The following NR5A1 variants were observed in gnomAD, a reference collection of about 807,000 sequenced individuals.
NR5A1 encodes nuclear receptor subfamily 5 group A member 1.
A neutral mutation model predicts 42.7 loss-of-function variants in NR5A1; 6 were observed. The ratio of observed to expected loss-of-function variants is 0.14; its 90% CI spans 0.08 to 0.28. NR5A1 has a LOEUF of 0.28. NR5A1 is among the 10% of genes least tolerant of loss of function. NR5A1 has a pLI of 1.00. For synonymous variants in NR5A1, 274 were observed against 277.5 expected, an observed-to-expected ratio of 0.99 and a Z score of 0.12; for missense variants, 442 against 626.4, an observed-to-expected ratio of 0.71 and a Z score of 3.14.
At position 124,481,301 on chromosome 9, in the gene NR5A1, C is replaced by T. The variant is rs1321158136; in HGVS notation, c.*1457G>A. 6.7e-6 allele frequency: 1 copy of T among 148,802 alleles called. No homozygotes were observed. Among genetic ancestry groups the T allele is most frequent in the Non-Finnish European group, 1.5e-5 (1 of 67,652 alleles). 9.2% of individuals were successfully genotyped at this position (148,802 alleles called of 1,614,324 possible). ...TGGGGTGATCCTTAAGGGCACTTCT[C>T]GTTTCAGGGCTGTGGGTCTCCGGCC... On this transcript the variant is annotated 3_prime_UTR_variant, in exon 7 of 7. Coordinates refer to ENST00000373588, the MANE Select transcript of NR5A1 (RefSeq NM_004959.5).
intron 6 of NR5A1, among the ~76,000 whole-genome samples, chr9:124,484,377 C>T (rs1832176885): frequency 6.6e-6 from 1 of 152,292 alleles, no homozygotes; most frequent in South Asian, 2.1e-4. Context: ...CAGGGCAAAG[C>T]CTGGGACTGA....
Position 124,503,051 on chromosome 9 carries a change from CA to C in NR5A1, c.244+27del, listed in dbSNP as rs1832492277. The C allele has an allele frequency of 6.5e-7, 1 of 1,547,642 alleles. No individual in the cohort carries two copies. Among genetic ancestry groups the C allele is most frequent in the African/African-American group, 1.4e-5 (1 of 73,660 alleles). On this transcript the variant is annotated intron_variant, in intron 3 of 6. Transcript: ENST00000373588. This position sits in a 1 kb window ranked among gnomAD's most constrained non-coding sequence, Gnocchi z 9.6. ...CCTACCCCCTCAGGCTGTGGGGGGT[CA>C]GGGGTCGAGGCCCGCGCGGCGCGCA...
Position 124,482,630 on chromosome 9 carries a change from G to T in NR5A1, c.*128C>A. ...CAGAACTCAGGGGCAGCGGCCTCTG[G>T]GACGGGGCTGGGGCTCCTCGGTGGG... On this transcript the variant is annotated 3_prime_UTR_variant, in exon 7 of 7. Coordinates refer to ENST00000373588, the MANE Select transcript of NR5A1 (RefSeq NM_004959.5). The T allele has an allele frequency of 8.9e-7, 1 of 1,122,088 alleles. No individual in the cohort carries two copies. The highest frequency in any genetic ancestry group is 1.3e-6 in the Non-Finnish European group (1 of 780,744). The allele number at this position is 1,122,088 out of a possible 1,614,324, so 69.5% of individuals were successfully genotyped here.
chr9:124,500,589 G>T lies in NR5A1; in HGVS notation c.371C>A (p.Pro124His), dbSNP rs1832455637. ...RANGFKLETG[P>H]PMGVPPPPPP... ...GGGCGGCGGGGGCACCCCCATCGGG[G>T]GCCCTGTCTCCAGCTTGAAGCCATT... is the stretch of plus-strand genomic sequence containing the variant. Residue 124 changes from proline to histidine, a missense_variant, in exon 4 of 7, where the codon CCC becomes CAC. Pro to His is a moderately conservative substitution (Grantham distance 77). This residue lies in a region of NR5A1 where 208 missense variants were observed against 203.8 expected (regional missense o/e 1.02). Coordinates refer to ENST00000373588, the MANE Select transcript of NR5A1 (RefSeq NM_004959.5). The surrounding 1 kb of genome is among the most constrained non-coding windows in gnomAD (Gnocchi z 6.9). 5 of 1,612,274 alleles carry T rather than the reference G, an allele frequency of 3.1e-6. No individual in the cohort carries two copies. The East Asian group carries it at 8.9e-5, about 29-fold the overall frequency.
intron 6 of NR5A1, among the ~76,000 whole-genome samples, chr9:124,486,255 C>T (rs1010510774): frequency 6.6e-6 from 1 of 152,180 alleles, no homozygotes. Context: ...CAGTCGCTAA[C>T]GGAGCCTCAG....
In NR5A1 at chr9:124,482,744, C is replaced by T. The variant is rs1832148470; in HGVS notation, c.*14G>A. ...AGTCCCGCCCCCAGTCCCGGCCCCG[C>T]CCCCGGCCCAGGCTCAAGTCTGCTT... On this transcript the variant is annotated 3_prime_UTR_variant, in exon 7 of 7. Coordinates refer to ENST00000373588, the MANE Select transcript of NR5A1 (RefSeq NM_004959.5). 1 of 1,516,518 alleles carries T rather than the reference C, an allele frequency of 6.6e-7. No homozygotes were observed. Among genetic ancestry groups the T allele is most frequent in the Non-Finnish European group, 8.9e-7 (1 of 1,126,078 alleles). The allele number at this position is 1,516,518 out of a possible 1,614,324, so 93.9% of individuals were successfully genotyped here.
intron 6 of NR5A1, among the ~76,000 whole-genome samples, chr9:124,486,145 T>C (rs7043551): frequency 0.59 from 90,234 of 151,870 alleles, 28,691 homozygotes; most frequent in African/African-American, 0.81. Flanking sequence ...GTTTCAGGGA[T>C]GCCCCCACCC....
At chr9:124,491,036 C>CCCCCCCCCGG in intron 6 of NR5A1, 45 bp downstream of exon 6, 9 of 1,401,576 alleles carry the variant, frequency 6.4e-6, no homozygotes, top group Non-Finnish European at 6.7e-6. Flanking sequence ...CCCACCCACC[C>CCCCCCCCCGG]GCCTCTGGCT....
intron 6 of NR5A1, among the ~76,000 whole-genome samples, chr9:124,488,696 G>A (rs1832259291): frequency 6.6e-6 from 1 of 152,232 alleles, no homozygotes; most frequent in African/African-American, 2.4e-5. Flanking sequence ...GGGATTACTA[G>A]GAGGGTCACT....
At position 124,496,048 on chromosome 9, in the gene NR5A1, T is replaced by C. The variant is rs538043510; in HGVS notation, c.871-2899A>G. Among the ~76,000 whole-genome samples, 1 of 152,278 alleles carries C rather than the reference T, an allele frequency of 6.6e-6. No homozygotes were observed. The highest frequency in any genetic ancestry group is 1.9e-4 in the East Asian group (1 of 5,182). On this transcript the variant is annotated intron_variant, in intron 4 of 6. Transcript: ENST00000373588. This position sits in a 1 kb window ranked among gnomAD's most constrained non-coding sequence, Gnocchi z 5.0. ...AATCGGTGGACCTGCTGTTGGTTCT[T>C]ACGTGGATGCTGCCCGGCCGGGATC...
At chr9:124,483,906 C>A (rs1374793911) in intron 6 of NR5A1, among the ~76,000 whole-genome samples, 2 of 152,212 alleles carry the variant, frequency 1.3e-5, no homozygotes, top group Non-Finnish European at 2.9e-5. Flanking sequence ...CATGGGGGAG[C>A]ATGCACATTC....
Position 124,500,500 on chromosome 9 carries a change from C to T in NR5A1, c.460G>A (p.Ala154Thr), listed in dbSNP as rs761496130. The part of the protein sequence containing the change: ...LHGPEPKGLA[A>T]GPPAGPLGDF... The stretch of plus-strand genomic sequence containing the variant: ...CCCAGTGGCCCAGCAGGTGGACCGG[C>T]GGCCAGGCCCTTGGGCTCAGGCCCA... The change falls in exon 4 of 7, where the codon GCC becomes ACC. Residue 154 changes from alanine (A) to threonine (T), a missense_variant. Transcript: ENST00000373588. The surrounding 1 kb of genome is among the most constrained non-coding windows in gnomAD (Gnocchi z 6.9). The T allele has an allele frequency of 2.7e-5, 44 of 1,604,120 alleles. No homozygotes were observed. In the Middle Eastern group the frequency reaches 5.0e-4, roughly 18 times the overall value.
At chr9:124,487,035 C>A (rs1054130329) in intron 6 of NR5A1, among the ~76,000 whole-genome samples, 3 of 152,214 alleles carry the variant, frequency 2.0e-5, no homozygotes, top group Non-Finnish European at 4.4e-5. Flanking sequence ...AGGTTGGAGA[C>A]CGGCATGTTG....
chr9:124,504,622 A>G (rs1832523189), intron 1 of NR5A1, among the ~76,000 whole-genome samples: 1 of 151,364 alleles, frequency 6.6e-6, no homozygotes. Flanking sequence ...AAGCGCGAAG[A>G]GCCAGGGCCC....
At chr9:124,491,578 G>T (rs1048716432) in intron 5 of NR5A1, among the ~76,000 whole-genome samples, 1 of 152,078 alleles carries the variant, frequency 6.6e-6, no homozygotes, top group African/African-American at 2.4e-5. Context: ...GGAGGGGTTG[G>T]GGAGGGCAGG....
At chr9:124,504,326 C>T (rs940190605) in intron 1 of NR5A1, among the ~76,000 whole-genome samples, 2 of 152,174 alleles carry the variant, frequency 1.3e-5, no homozygotes, top group Non-Finnish European at 2.9e-5. Context: ...GGAGCCCAAG[C>T]GCCAAGGCGA....
chr9:124,489,343 C>T lies in NR5A1; in HGVS notation c.1138+1738G>A, dbSNP rs1027545626. Among the ~76,000 whole-genome samples, 8 of 152,196 alleles carry T rather than the reference C, an allele frequency of 5.3e-5. 1 individual carries two copies. Among genetic ancestry groups the T allele is most frequent in the South Asian group, 4.1e-4 (2 of 4,836 alleles). On this transcript the variant is annotated intron_variant, in intron 6 of 6. Coordinates refer to ENST00000373588, the MANE Select transcript of NR5A1 (RefSeq NM_004959.5). ...CCCGGACTCCCGCGGACACACACTC[C>T]AATTCTAGGTGCCTCCAAGCACCAC...
chr9:124,502,266 T>C (rs75411483), intron 3 of NR5A1, among the ~76,000 whole-genome samples: 5,608 of 152,284 alleles, frequency 0.037, 298 homozygotes, highest in African/African-American at 0.11. Flanking sequence ...AGGAAGGCGC[T>C]GCCGTTAAGC....
At chr9:124,489,807 G>T (rs1457921823) in intron 6 of NR5A1, among the ~76,000 whole-genome samples, 2 of 146,448 alleles carry the variant, frequency 1.4e-5, no homozygotes, top group African/African-American at 5.1e-5. Flanking sequence ...CTGGTGTCCT[G>T]AGAGGTGGCT....
Sources: gnomAD v4.1 joint callset for allele counts (sites outside exome capture counted in the v4.1 genomes callset) on GRCh38, gnomAD v4.1.1 for gene constraint, gnomAD v4.1.1 regional missense constraint, Gnocchi (gnomAD v3.1) non-coding constraint, MANE v1.5 for transcripts, NCBI Gene and HGNC (gene_info 2026-07-23, HGNC 2026-07-21) for gene names.